RBFOX3: variants seen among roughly 807,000 people sequenced by gnomAD.
RBFOX3 encodes the protein RNA binding protein fox-1 homolog 3.
In RBFOX3, 17 loss-of-function variants were observed where a neutral mutation model predicts 48.7. The ratio of observed to expected loss-of-function variants is 0.35; its 90% CI spans 0.24 to 0.52. The LOEUF (loss-of-function observed/expected upper bound fraction) is 0.52. Among genes scored for constraint, RBFOX3 ranks in the 20% least tolerant of loss-of-function variants. RBFOX3 has a pLI of 0.94. For missense variants in RBFOX3, 382 were observed against 497.5 expected, an observed-to-expected ratio of 0.77 and a Z score of 2.21; for synonymous variants, 212 against 209.5, an observed-to-expected ratio of 1.01 and a Z score of -0.10.
At chr17:79,148,804 C>A (rs2043634711) in intron 4 of RBFOX3, among the ~76,000 whole-genome samples, 1 of 152,178 alleles carries the variant, frequency 6.6e-6, no homozygotes, top group Admixed American at 6.5e-5. Context: ...CCTCCGAGGG[C>A]CTCTGCGGGC....
intron 2 of RBFOX3, among the ~76,000 whole-genome samples, chr17:79,405,860 G>A (rs1420369170): frequency 6.6e-6 from 1 of 152,116 alleles, no homozygotes; most frequent in East Asian, 1.9e-4. Flanking sequence ...CCCACCTCCA[G>A]CCCCCAGGGC....
chr17:79,591,824 CGTGTGGAGGGT>C (rs1421245221), intron 1 of RBFOX3, among the ~76,000 whole-genome samples: 1 of 147,876 alleles, frequency 6.8e-6, no homozygotes, highest in Non-Finnish European at 1.5e-5. Flanking sequence ...GGGGTGTGCA[CGTGTGGAGGGT>C]GTGTGGAGGG....
Position 79,090,025 on chromosome 17 carries a change from G to T in RBFOX3, c.*858C>A, listed in dbSNP as rs1762025274. On this transcript the variant is annotated 3_prime_UTR_variant, in exon 15 of 15. Transcript: ENST00000693108. ...ACAGGGGAGCGGCAGGGAGGGCTGG[G>T]TCCCAGCAGGCAGCACGAGGTCAGC... 1 of 152,430 alleles carries T rather than the reference G, an allele frequency of 6.6e-6. No homozygotes were observed. Among genetic ancestry groups the T allele is most frequent in the South Asian group, 2.1e-4 (1 of 4,840 alleles). The allele number at this position is 152,430 out of a possible 1,614,324, so 9.4% of individuals were successfully genotyped here.
intron 2 of RBFOX3, among the ~76,000 whole-genome samples, chr17:79,433,879 C>G (rs1555729711): frequency 6.6e-6 from 1 of 152,216 alleles, no homozygotes; most frequent in East Asian, 1.9e-4. Context: ...ATCGGTCAAT[C>G]AGTACCTAAC....
intron 1 of RBFOX3, among the ~76,000 whole-genome samples, chr17:79,540,296 A>G (rs2089488875): frequency 6.6e-6 from 1 of 152,264 alleles, no homozygotes; most frequent in Admixed American, 6.5e-5. Flanking sequence ...CTGAGTCTCT[A>G]GAGCAGGGTC....
At chr17:79,251,572 C>G (rs1047380674) in intron 3 of RBFOX3, among the ~76,000 whole-genome samples, 1 of 152,198 alleles carries the variant, frequency 6.6e-6, no homozygotes, top group African/African-American at 2.4e-5. Context: ...CCTTCTGTAC[C>G]TGTGTGACCT....
intron 3 of RBFOX3, among the ~76,000 whole-genome samples, chr17:79,248,442 G>A (rs2063480510): frequency 6.6e-6 from 1 of 152,184 alleles, no homozygotes; most frequent in Non-Finnish European, 1.5e-5. Flanking sequence ...GAAGGGTGGG[G>A]GGTCTTAGAG....
intron 1 of RBFOX3, among the ~76,000 whole-genome samples, chr17:79,551,075 C>T (rs1283418160): frequency 2.6e-5 from 4 of 152,072 alleles, no homozygotes; most frequent in Admixed American, 2.6e-4. Context: ...TTTAAATAGT[C>T]GCATGCAACT....
intron 1 of RBFOX3, among the ~76,000 whole-genome samples, chr17:79,545,400 C>G (rs73426843): frequency 0.027 from 4,088 of 152,294 alleles, 164 homozygotes; most frequent in African/African-American, 0.088. Flanking sequence ...GAGAAAACAG[C>G]CTGGCTGAGG....
chr17:79,365,088 T>C (rs986379876), intron 2 of RBFOX3, among the ~76,000 whole-genome samples: 9 of 152,022 alleles, frequency 5.9e-5, no homozygotes, highest in African/African-American at 2.2e-4. Context: ...CAATAAAGCC[T>C]CTCTACCCTC....
intron 4 of RBFOX3, among the ~76,000 whole-genome samples, chr17:79,218,164 T>C (rs2059289606): frequency 6.7e-6 from 1 of 149,222 alleles, no homozygotes; most frequent in African/African-American, 2.5e-5. Flanking sequence ...GTTTGAGGAG[T>C]GTGTGGGCAT....
chr17:79,420,453 C>T (rs930624145), intron 2 of RBFOX3, among the ~76,000 whole-genome samples: 5 of 152,176 alleles, frequency 3.3e-5, no homozygotes, highest in Non-Finnish European at 5.9e-5. Flanking sequence ...GGCTGCTGGG[C>T]GGAGTCCTCT....
Position 79,198,003 on chromosome 17 carries a change from T to G in RBFOX3, c.-34+37763A>C, listed in dbSNP as rs2056006535. ...TGTGACTGCGGCGCGTGCTTCTGATTTCCTAAGCATGCCGAGTGAATCCAT... is the reference window on the plus strand; with the variant it reads ...TGTGACTGCGGCGCGTGCTTCTGATGTCCTAAGCATGCCGAGTGAATCCAT... On this transcript the variant is annotated intron_variant, in intron 4 of 14. Coordinates refer to ENST00000693108, the MANE Select transcript of RBFOX3 (RefSeq NM_001350451.2). This position sits in a 1 kb window ranked among gnomAD's most constrained non-coding sequence, Gnocchi z 8.2. Among the ~76,000 whole-genome samples the G allele has an allele frequency of 6.6e-6, 1 of 152,160 alleles. No homozygotes were observed. The highest frequency in any genetic ancestry group is 1.5e-5 in the Non-Finnish European group (1 of 68,034).
chr17:79,104,137 A>G lies in RBFOX3; in HGVS notation c.361-11T>C, dbSNP rs768583146. The G allele has an allele frequency of 9.0e-6, 14 of 1,550,336 alleles. No homozygotes were observed. Among genetic ancestry groups the G allele is most frequent in the East Asian group, 2.4e-5 (1 of 40,936 alleles). ...AATTTTTCCGAATTGCTGCAGAGAC[A>G]GAGACAAAGAGGGAGTGGGGCAGAC... On this transcript the variant is annotated splice_polypyrimidine_tract_variant and intron_variant, in intron 6 of 14. Coordinates refer to ENST00000693108, the MANE Select transcript of RBFOX3 (RefSeq NM_001350451.2).
At chr17:79,433,920 A>G (rs930039443) in intron 2 of RBFOX3, among the ~76,000 whole-genome samples, 7 of 152,350 alleles carry the variant, frequency 4.6e-5, no homozygotes, top group Middle Eastern at 3.4e-3. Flanking sequence ...ATTTAAAGAC[A>G]CTGTATTTCA....
intron 1 of RBFOX3, among the ~76,000 whole-genome samples, chr17:79,555,520 G>GTGA (rs2091627729): frequency 4.7e-5 from 1 of 21,118 alleles, no homozygotes; most frequent in African/African-American, 2.4e-4. Flanking sequence ...GATGGTGGTG[G>GTGA]TGATGGTAGT....
chr17:79,506,606 G>A (rs943635704), intron 1 of RBFOX3, among the ~76,000 whole-genome samples: 70 of 152,324 alleles, frequency 4.6e-4, no homozygotes, highest in East Asian at 1.2e-3. Context: ...CCCAGATGGC[G>A]AGGAAAGAGC....
At chr17:79,457,489 G>A (rs1384513063) in intron 2 of RBFOX3, among the ~76,000 whole-genome samples, 5 of 152,180 alleles carry the variant, frequency 3.3e-5, no homozygotes, top group African/African-American at 9.7e-5. Context: ...TCCTTCTAAC[G>A]CGCCTTCATG....
At chr17:79,248,997 C>T (rs1415894631) in intron 3 of RBFOX3, among the ~76,000 whole-genome samples, 2 of 152,216 alleles carry the variant, frequency 1.3e-5, no homozygotes, top group Admixed American at 1.3e-4. Flanking sequence ...TGAGCTGGGA[C>T]CTGCCTCCAT....
Sources: gnomAD v4.1 joint callset for allele counts (sites outside exome capture counted in the v4.1 genomes callset) on GRCh38, gnomAD v4.1.1 for gene constraint, Gnocchi (gnomAD v3.1) non-coding constraint, MANE v1.5 for transcripts, NCBI Gene and HGNC (gene_info 2026-07-23, HGNC 2026-07-21) for gene names.